Variants in SEC31A observed in about 807,000 individuals in gnomAD.
SEC31A encodes protein transport protein Sec31A.
A neutral mutation model predicts 151.0 loss-of-function variants in SEC31A; 70 were observed. That is an observed-to-expected ratio of 0.46 (90% CI 0.38 to 0.57). The LOEUF is 0.57. Ranked by LOEUF, SEC31A falls within the 20% of genes least tolerant of loss-of-function variation. SEC31A has a pLI of 0.00. For missense variants in SEC31A, 1,330 were observed against 1,471.2 expected (o/e 0.90, Z 1.57); for synonymous variants, 475 against 505.9 (o/e 0.94, Z 0.82).
intron 22 of SEC31A, chr4:82,829,423 C>CA (rs553138487): frequency 0.031 from 4,501 of 146,538 alleles, 69 homozygotes; most frequent in African/African-American, 0.038. Context: ...CAAAAACAAA[C>CA]AAAAAAAAAA....
intron 22 of SEC31A, 190 bp from the exon 23 acceptor site, chr4:82,829,248 A>T: frequency 1.9e-6 from 1 of 520,214 alleles, no homozygotes; most frequent in Non-Finnish European, 3.5e-6. Flanking sequence ...AATAGGAACA[A>T]GGTCTTCACT....
At chr4:82,878,611 A>G (rs1056954065) in intron 4 of SEC31A, 119 bp downstream of exon 4, 2 of 757,412 alleles carry the variant, frequency 2.6e-6, no homozygotes, top group African/African-American at 3.5e-5. Context: ...AACACTCGTC[A>G]ACCTGTATAG....
At chr4:82,863,496 A>G in intron 11 of SEC31A, 104 bp from the exon 12 acceptor site, 1 of 650,316 alleles carries the variant, frequency 1.5e-6, no homozygotes. Flanking sequence ...AAATATCTGA[A>G]GTCTACATTC....
chr4:82,884,563 T>C (rs896758073), intron 1 of SEC31A, among the ~76,000 whole-genome samples: 2 of 152,200 alleles, frequency 1.3e-5, no homozygotes, highest in African/African-American at 4.8e-5. Flanking sequence ...AACACATCAT[T>C]ATCACTGAAA....
intron 22 of SEC31A, among the ~76,000 whole-genome samples, chr4:82,838,774 G>T (rs537752167): frequency 1.2e-4 from 18 of 152,134 alleles, no homozygotes; most frequent in Non-Finnish European, 7.3e-5. Flanking sequence ...GACCAAACAG[G>T]TATCCATTGA....
intron 26 of SEC31A, among the ~76,000 whole-genome samples, chr4:82,820,256 A>G (rs1446127104): frequency 6.7e-6 from 1 of 149,506 alleles, no homozygotes; most frequent in Non-Finnish European, 1.5e-5. Context: ...GGCATATCCC[A>G]CTGTGCCCAC....
intron 1 of SEC31A, among the ~76,000 whole-genome samples, chr4:82,887,275 A>G (rs1443062798): frequency 6.6e-6 from 1 of 152,216 alleles, no homozygotes; most frequent in East Asian, 1.9e-4. Flanking sequence ...TGTAACATTG[A>G]CTGAAAAAGA....
chr4:82,828,127 C>T (rs1725046046), intron 23 of SEC31A, among the ~76,000 whole-genome samples: 1 of 152,146 alleles, frequency 6.6e-6, no homozygotes, highest in Non-Finnish European at 1.5e-5. Context: ...ACTGGCCAGG[C>T]TGGTCTAGAA....
At chr4:82,888,279 G>A (rs946174644) in intron 1 of SEC31A, among the ~76,000 whole-genome samples, 2 of 148,238 alleles carry the variant, frequency 1.3e-5, no homozygotes, top group Non-Finnish European at 3.0e-5. Context: ...AGGAGGCCGA[G>A]GCAGAAGAAT....
At position 82,866,893 on chromosome 4, in the gene SEC31A, G is replaced by A. The variant is rs1248342659; in HGVS notation, c.1112C>T (p.Pro371Leu). ...TGQPLPPLQI[P>L]QQTAQHSIVL... Reference sequence around the variant, plus strand: ...TATACTATGCTGAGCAGTCTGCTGTGGAATTTGTAACGGAGGAAGGGGCTG... The same window carrying A: ...TATACTATGCTGAGCAGTCTGCTGTAGAATTTGTAACGGAGGAAGGGGCTG... The change falls in exon 10 of 27, where the codon CCA (proline) becomes CTA (leucine). Residue 371 changes from proline to leucine, a missense_variant. Transcript: ENST00000395310. 4.3e-6 allele frequency: 7 copies of A among 1,614,136 alleles called. No homozygotes were observed. The highest frequency in any genetic ancestry group is 2.7e-5 in the African/African-American group (2 of 75,036).
chr4:82,888,886 C>T (rs1741590214), intron 1 of SEC31A, among the ~76,000 whole-genome samples: 1 of 152,120 alleles, frequency 6.6e-6, no homozygotes, highest in Non-Finnish European at 1.5e-5. Context: ...AAAATACCAA[C>T]CTTGCAATGC....
intron 24 of SEC31A, among the ~76,000 whole-genome samples, chr4:82,825,448 TGAAGG>T (rs1011468147): frequency 6.6e-6 from 1 of 152,086 alleles, no homozygotes; most frequent in Non-Finnish European, 1.5e-5. Flanking sequence ...GAGATTTGAC[TGAAGG>T]GAAGGGAAGG....
At position 82,824,689 on chromosome 4, in the gene SEC31A, C is replaced by G. The variant is rs1176094906; in HGVS notation, c.3292-15G>C. On this transcript the variant is annotated splice_polypyrimidine_tract_variant and intron_variant, in intron 24 of 26. Transcript: ENST00000395310. ...GACTGCACATGCTGGAAGAAACACA[C>G]CAAAAACTGATCAGAAATGACCAGA... 2 of 1,610,332 alleles carry G rather than the reference C, an allele frequency of 1.2e-6. No homozygotes were observed. The highest frequency in any genetic ancestry group is 2.2e-5 in the South Asian group (2 of 90,140).
At position 82,867,151 on chromosome 4, in the gene SEC31A, T is replaced by C. The variant is rs1560641599; in HGVS notation, c.1044+4A>G. The stretch of plus-strand genomic sequence containing the variant: ...TAATAGAAAACTTTAACACTTCCTA[T>C]TACCTTGTCAACTTGTTTCTGTCTT... On this transcript the variant is annotated splice_donor_region_variant and intron_variant, in intron 9 of 26. Transcript: ENST00000395310. 2 of 1,611,950 alleles carry C rather than the reference T, an allele frequency of 1.2e-6. No individual in the cohort carries two copies. Among genetic ancestry groups the C allele is most frequent in the Non-Finnish European group, 1.7e-6 (2 of 1,178,314 alleles).
intron 1 of SEC31A, chr4:82,890,837 C>G: frequency 7.5e-7 from 1 of 1,327,390 alleles, no homozygotes; most frequent in Non-Finnish European, 9.6e-7. Context: ...ACACTGTCGC[C>G]AGCCTCGGGT....
chr4:82,831,637 A>T (rs1213721215), intron 22 of SEC31A, among the ~76,000 whole-genome samples: 1 of 152,200 alleles, frequency 6.6e-6, no homozygotes, highest in Non-Finnish European at 1.5e-5. Context: ...GCACAGTGGT[A>T]TCATTTTTCA....
rs770154998 is a variant in SEC31A at position 82,856,984 on chromosome 4, A to G, written c.1849T>C (p.Tyr617His). The change falls in exon 16 of 27, where the codon TAC becomes CAC. Residue 617 changes from tyrosine to histidine, a missense_variant. By Grantham distance (83) the Tyr-to-His change is moderately conservative. Transcript: ENST00000395310. ...QELLARTQKK[Y>H]FAKSQSKITR... ...ATTTTGCTTTGGGATTTTGCGAAGT[A>G]TTTTTTCTGGGTTCGAGCCAAGAGT... is the stretch of plus-strand genomic sequence containing the variant. The G allele has an allele frequency of 5.6e-6, 9 of 1,609,872 alleles. No individual in the cohort carries two copies. The East Asian group carries it at 1.1e-4, about 20-fold the overall frequency.
chr4:82,842,527 A>T (rs1314838048), intron 21 of SEC31A, 46 bp from the exon 22 acceptor site: 2 of 1,439,490 alleles, frequency 1.4e-6, no homozygotes, highest in Non-Finnish European at 1.9e-6. Flanking sequence ...TTACAAGTTT[A>T]TTCAGATAGT....
At position 82,819,201 on chromosome 4, in the gene SEC31A, G is replaced by C. The variant is rs748297732; in HGVS notation, c.3536C>G (p.Thr1179Ser). 5 of 1,611,226 alleles carry C rather than the reference G, an allele frequency of 3.1e-6. No individual in the cohort carries two copies. The highest frequency in any genetic ancestry group is 4.2e-6 in the Non-Finnish European group (5 of 1,178,682). Residue 1179 changes from threonine to serine, a missense_variant, in exon 27 of 27, where the codon ACT becomes AGT. By Grantham distance (58) the Thr-to-Ser change is moderately conservative (BLOSUM62 1). Transcript: ENST00000395310. ...GLHNIARSIETRNYSEGLTMH... is the reference protein window; with the variant it reads ...GLHNIARSIESRNYSEGLTMH... The stretch of plus-strand genomic sequence containing the variant: ...GGTCAATCCTTCTGAGTAGTTTCGA[G>C]TTTCAATGCTCCTTGCAATGTTGTG...
Sources: allele counts gnomAD v4.1 joint callset (sites outside exome capture counted in the v4.1 genomes callset), GRCh38; gene constraint gnomAD v4.1.1; transcripts MANE v1.5; gene names NCBI Gene and HGNC (gene_info 2026-07-23, HGNC 2026-07-21).